The following ARHGAP18 variants were observed in gnomAD, a reference collection of about 807,000 sequenced individuals.
ARHGAP18 encodes the protein Rho GTPase activating protein 18, also known as rho GTPase-activating protein 18.
A neutral mutation model predicts 86.2 loss-of-function variants in ARHGAP18; 67 were observed. The observed-to-expected ratio is 0.78, with a 90% confidence interval of 0.64 to 0.95. The LOEUF (loss-of-function observed/expected upper bound fraction) is 0.95, where lower values mean the gene tolerates loss of function less well. Among genes scored for constraint, ARHGAP18 ranks in the 40% least tolerant of loss-of-function variants. ARHGAP18 has a pLI of 0.00. For synonymous variants in ARHGAP18, 283 were observed against 280.4 expected (o/e 1.01, Z -0.09); for missense variants, 691 against 780.4 (o/e 0.89, Z 1.37).
chr6:129,578,330 T>A lies in ARHGAP18; in HGVS notation c.*183A>T. On this transcript the variant is annotated 3_prime_UTR_variant, in exon 15 of 15. Transcript: ENST00000368149. Reference sequence around the variant, plus strand: ...ATTTTTTTTCTAATAATAACATTAATAATAATTAATATAATTCTGGCAGCA... The same window carrying A: ...ATTTTTTTTCTAATAATAACATTAAAAATAATTAATATAATTCTGGCAGCA... 1 of 275,602 alleles carries A rather than the reference T, an allele frequency of 3.6e-6. No individual in the cohort carries two copies. The highest frequency in any genetic ancestry group is 6.5e-5 in the East Asian group (1 of 15,492). The allele number at this position is 275,602 out of a possible 1,614,324, so 17.1% of individuals were successfully genotyped here. A position where few individuals can be genotyped will look rare whatever the true frequency, so the allele number is the denominator to read the frequency against.
intron 1 of ARHGAP18, among the ~76,000 whole-genome samples, chr6:129,696,811 C>T (rs946750031): frequency 6.6e-6 from 1 of 152,106 alleles, no homozygotes; most frequent in African/African-American, 2.4e-5. Context: ...GAGAAGCAAG[C>T]AAGAAGATCA....
At chr6:129,616,582 C>CA (rs1369678723) in intron 6 of ARHGAP18, among the ~76,000 whole-genome samples, 2 of 152,114 alleles carry the variant, frequency 1.3e-5, no homozygotes, top group Non-Finnish European at 2.9e-5. Flanking sequence ...ATAAGAGAAA[C>CA]AGAGGGCTGT....
At chr6:129,669,970 C>T (rs1385950386) in intron 1 of ARHGAP18, among the ~76,000 whole-genome samples, 1 of 152,062 alleles carries the variant, frequency 6.6e-6, no homozygotes, top group Non-Finnish European at 1.5e-5. Flanking sequence ...ACTATGACAC[C>T]ATAATTTTGG....
chr6:129,691,711 CA>C (rs1774532116), intron 1 of ARHGAP18, among the ~76,000 whole-genome samples: 1 of 152,162 alleles, frequency 6.6e-6, no homozygotes, highest in Admixed American at 6.5e-5. Context: ...TGGCAATAAA[CA>C]AAAGGTCTCT....
At chr6:129,691,682 G>T (rs1319618573) in intron 1 of ARHGAP18, among the ~76,000 whole-genome samples, 2 of 152,114 alleles carry the variant, frequency 1.3e-5, no homozygotes, top group Non-Finnish European at 2.9e-5. Flanking sequence ...TAATCTCGGA[G>T]GTGTGAACTA....
chr6:129,589,462 T>C (rs1413513225), intron 12 of ARHGAP18, among the ~76,000 whole-genome samples: 5 of 152,170 alleles, frequency 3.3e-5, no homozygotes, highest in Non-Finnish European at 5.9e-5. Context: ...CATGGACTTT[T>C]TTGTCCACAA....
chr6:129,642,096 G>A, intron 1 of ARHGAP18, 78 bp from the exon 2 acceptor site: 1 of 1,323,614 alleles, frequency 7.6e-7, no homozygotes, highest in Non-Finnish European at 1.1e-6. Context: ...ACAGCAACAA[G>A]CTGGAGAATT....
In ARHGAP18 at chr6:129,625,043, A is replaced by ATC. The variant is rs1491509262; in HGVS notation, c.786+4309_786+4310insGA. Among the ~76,000 whole-genome samples, 97 of 80,304 alleles carry ATC rather than the reference A, an allele frequency of 1.2e-3. 2 individuals are homozygous for ATC. The highest frequency in any genetic ancestry group is 2.2e-3 in the South Asian group (7 of 3,244). 52.7% of individuals were successfully genotyped at this position (80,304 alleles called of 152,430 possible). On this transcript the variant is annotated intron_variant, in intron 5 of 14. Transcript: ENST00000368149. Reference sequence around the variant, plus strand: ...TATGATATATGATATATATTTATATAATATATATGATTGATATATATTTAT... The same window carrying ATC: ...TATGATATATGATATATATTTATATATCATATATATGATTGATATATATTTAT...
chr6:129,681,496 A>T lies in ARHGAP18; in HGVS notation c.113+28528T>A, dbSNP rs1774324041. 2.0e-5 allele frequency among the ~76,000 whole-genome samples: 3 copies of T among 152,226 alleles called. No homozygotes were observed. The South Asian group carries it at 6.2e-4, about 32-fold the overall frequency. On this transcript the variant is annotated intron_variant, in intron 1 of 14. Coordinates refer to ENST00000368149, the MANE Select transcript of ARHGAP18 (RefSeq NM_033515.3). ...GACTGCTTGTATATAAGCCCCATCT[A>T]CTTTCTTCTCTCTCCAGATCTGAAT...
chr6:129,674,101 A>G (rs1774187857), intron 1 of ARHGAP18, among the ~76,000 whole-genome samples: 1 of 152,266 alleles, frequency 6.6e-6, no homozygotes, highest in Non-Finnish European at 1.5e-5. Context: ...TAAAATTTCA[A>G]TTAACAATTT....
chr6:129,657,028 T>C (rs1382242416), intron 1 of ARHGAP18, among the ~76,000 whole-genome samples: 1 of 152,202 alleles, frequency 6.6e-6, no homozygotes, highest in African/African-American at 2.4e-5. Context: ...CTACAGATAA[T>C]AGCATATCAT....
intron 5 of ARHGAP18, among the ~76,000 whole-genome samples, chr6:129,619,938 G>A (rs1330176438): frequency 1.3e-5 from 2 of 151,700 alleles, no homozygotes; most frequent in African/African-American, 2.4e-5. Context: ...CTGTAAAATG[G>A]GAGATGGAGG....
chr6:129,584,072 T>C lies in ARHGAP18; in HGVS notation c.1754A>G (p.His585Arg). ...PQGVIRVQAP[H>R]LSKVSMAIQL... ...TATTGCCATGGAAACTTTCGAAAGATGGGGAGCTTGCACTCGAATCACTCC... is the reference window on the plus strand; with the variant it reads ...TATTGCCATGGAAACTTTCGAAAGACGGGGAGCTTGCACTCGAATCACTCC... The change falls in exon 13 of 15, where the codon CAT becomes CGT. Residue 585 changes from histidine to arginine, a missense_variant. Coordinates refer to ENST00000368149, the MANE Select transcript of ARHGAP18 (RefSeq NM_033515.3). 6.2e-7 allele frequency: 1 copy of C among 1,613,700 alleles called. No homozygotes were observed. The highest frequency in any genetic ancestry group is 1.1e-5 in the South Asian group (1 of 91,076).
chr6:129,688,979 T>C (rs1774480627), intron 1 of ARHGAP18, among the ~76,000 whole-genome samples: 1 of 152,132 alleles, frequency 6.6e-6, no homozygotes, highest in African/African-American at 2.4e-5. Context: ...AGAATCTCAA[T>C]GTCACAGAGC....
intron 3 of ARHGAP18, 119 bp downstream of exon 3, chr6:129,638,275 T>G: frequency 1.0e-6 from 1 of 999,862 alleles, no homozygotes; most frequent in Admixed American, 2.3e-5. Flanking sequence ...GCATAGAGCT[T>G]TGGTGCCTGG....
chr6:129,709,639 C>T (rs1431412929), intron 1 of ARHGAP18, among the ~76,000 whole-genome samples: 1 of 152,238 alleles, frequency 6.6e-6, no homozygotes, highest in Non-Finnish European at 1.5e-5. Context: ...TTTTGGCAGA[C>T]TTTCCCAGCG....
chr6:129,630,149 TC>T (rs1322659392), intron 4 of ARHGAP18, among the ~76,000 whole-genome samples: 2 of 152,140 alleles, frequency 1.3e-5, no homozygotes, highest in Admixed American at 1.3e-4. Context: ...GTATAAAAGT[TC>T]CTACAACTGT....
At chr6:129,709,566 A>AG (rs979485942) in intron 1 of ARHGAP18, among the ~76,000 whole-genome samples, 1 of 151,892 alleles carries the variant, frequency 6.6e-6, no homozygotes, top group Non-Finnish European at 1.5e-5. Flanking sequence ...CAGCAAAGAG[A>AG]GGGGGGAAAA....
chr6:129,643,802 A>G (rs1773518663), intron 1 of ARHGAP18, among the ~76,000 whole-genome samples: 2 of 152,202 alleles, frequency 1.3e-5, no homozygotes, highest in Admixed American at 1.3e-4. Context: ...CCTTTCCCAA[A>G]ATTGTTTAAA....
Sources: allele counts gnomAD v4.1 joint callset (sites outside exome capture counted in the v4.1 genomes callset), GRCh38; gene constraint gnomAD v4.1.1; transcripts MANE v1.5; gene names NCBI Gene and HGNC (gene_info 2026-07-23, HGNC 2026-07-21).